Variants in ASH1L observed in about 807,000 individuals in gnomAD.
ASH1L encodes ASH1 like histone lysine methyltransferase, also known as histone-lysine N-methyltransferase ASH1L.
In ASH1L, 23 loss-of-function variants were observed where a neutral mutation model predicts 269.0. The ratio of observed to expected loss-of-function variants is 0.09; its 90% CI spans 0.06 to 0.12. The LOEUF is 0.12. Among genes scored for constraint, ASH1L ranks in the 10% least tolerant of loss-of-function variants. The pLI is 1.00. For synonymous variants in ASH1L, 1,187 were observed against 1,253.5 expected (o/e 0.95, Z 1.12); for missense variants, 2,912 against 3,567.8 (o/e 0.82, Z 4.68).
chr1:155,392,809 T>C (rs1365465676), intron 7 of ASH1L, among the ~76,000 whole-genome samples: 2 of 152,050 alleles, frequency 1.3e-5, no homozygotes, highest in Non-Finnish European at 2.9e-5. Flanking sequence ...TGATGTAATC[T>C]ACTCTTTCAA....
At chr1:155,443,812 TATATGA>T (rs1372830336) in intron 4 of ASH1L, among the ~76,000 whole-genome samples, 1 of 152,200 alleles carries the variant, frequency 6.6e-6, no homozygotes, top group East Asian at 1.9e-4. Flanking sequence ...ACAACTGAAT[TATATGA>T]ATATACCACA....
At chr1:155,418,851 C>T (rs1319153686) in intron 5 of ASH1L, among the ~76,000 whole-genome samples, 10 of 151,950 alleles carry the variant, frequency 6.6e-5, no homozygotes. Context: ...GGGTGGATCA[C>T]GAGGTCAGGA....
intron 1 of ASH1L, among the ~76,000 whole-genome samples, chr1:155,541,932 T>C (rs994551290): frequency 3.3e-5 from 5 of 152,126 alleles, no homozygotes; most frequent in Non-Finnish European, 5.9e-5. Context: ...TAGACATAAA[T>C]TTCCAATTAC....
chr1:155,371,466 T>C (rs1192616396), intron 10 of ASH1L, among the ~76,000 whole-genome samples: 2 of 152,146 alleles, frequency 1.3e-5, no homozygotes. Context: ...GAGAGTCCCT[T>C]GAACCTGTGA....
At position 155,562,273 on chromosome 1, in the gene ASH1L, G is replaced by T. The variant is rs1197304302; in HGVS notation, c.-220C>A. On this transcript the variant is annotated 5_prime_UTR_variant, in exon 1 of 28. Coordinates refer to ENST00000392403, the MANE Select transcript of ASH1L (RefSeq NM_018489.3). ...ACGGCGGATCCCTCCCGCTTGTCAG[G>T]AGGCGGCCAGCGGGTAAGCTGACTG... 1 of 1,608,756 alleles carries T rather than the reference G, an allele frequency of 6.2e-7. No homozygotes were observed.
Position 155,439,066 on chromosome 1 carries a change from T to C in ASH1L, c.5089A>G (p.Asn1697Asp). The part of the protein sequence containing the change: ...SSSESTSSTV[N>D]GVPSRSPRLV... ...CTTGGACTTCGAGAGGGAACTCCGT[T>C]TACTGAAAGAGACAATAAATCACAC... The change falls in exon 5 of 28, where the codon AAC (asparagine) becomes GAC (aspartate). Residue 1697 changes from asparagine to aspartate, a missense_variant and splice_region_variant. Physicochemically the swap from Asn to Asp is conservative, Grantham distance 23. Transcript: ENST00000392403. The C allele has an allele frequency of 6.3e-7, 1 of 1,597,408 alleles. No homozygotes were observed. The highest frequency in any genetic ancestry group is 1.1e-5 in the South Asian group (1 of 88,500).
At chr1:155,364,284 T>C (rs549439686) in intron 12 of ASH1L, among the ~76,000 whole-genome samples, 3 of 152,262 alleles carry the variant, frequency 2.0e-5, no homozygotes, top group East Asian at 3.9e-4. Flanking sequence ...GAGAAAAAGA[T>C]ATCTTCTAGT....
rs754714027 is a variant in ASH1L, at chr1:155,438,402, C to A, written c.5753G>T (p.Gly1918Val). The change falls in exon 5 of 28, where the codon GGT (glycine) becomes GTT (valine). Residue 1918 changes from glycine to valine, a missense_variant. Gly to Val is a moderately radical substitution (Grantham distance 109). This residue lies in a region of ASH1L where 789 missense variants were observed against 897.6 expected (regional missense o/e 0.88). Coordinates refer to ENST00000392403, the MANE Select transcript of ASH1L (RefSeq NM_018489.3). ...PEHKKGLKRK[G>V]WLLEEQTRKK... ...TCTGGTCTGTTCTTCCAATAGCCAA[C>A]CTTTTCTCTTCAACCCCTTTTTATG... 5 of 1,610,870 alleles carry A rather than the reference C, an allele frequency of 3.1e-6. No individual in the cohort carries two copies. The highest frequency in any genetic ancestry group is 1.7e-4 in the Middle Eastern group (1 of 6,046).
In ASH1L at chr1:155,543,840, A is replaced by G. The variant is rs543647550; in HGVS notation, c.-100+18313T>C. ...CCAGCTACTTGGCAGGGGCTGAGGT[A>G]GAAGAATCAATTGAGCCCGGGAGGT... is the stretch of plus-strand genomic sequence containing the variant. On this transcript the variant is annotated intron_variant, in intron 1 of 27. Transcript: ENST00000392403. Among the ~76,000 whole-genome samples, 12 of 152,156 alleles carry G rather than the reference A, an allele frequency of 7.9e-5. No homozygotes were observed. The South Asian group carries it at 2.5e-3, about 32-fold the overall frequency.
rs548692300 is a variant in ASH1L, at chr1:155,478,006, T to A, written c.4864A>T (p.Ser1622Cys). The change falls in exon 3 of 28, where the codon AGT (serine) becomes TGT (cysteine). Residue 1622 changes from serine (S) to cysteine (C), a missense_variant. Ser to Cys is a moderately radical substitution (Grantham distance 112). Transcript: ENST00000392403. This position sits in a 1 kb window ranked among gnomAD's most constrained non-coding sequence, Gnocchi z 4.6. ...GSCRVSNPNS[S>C]GRKKLTDSPG... ...CTGTCAGTTAATTTCTTCCGGCCAC[T>A]GGAGTTAGGGTTTGAAACTCTGCAG... is the stretch of plus-strand genomic sequence containing the variant. 2 of 1,614,106 alleles carry A rather than the reference T, an allele frequency of 1.2e-6. No individual in the cohort carries two copies. The highest frequency in any genetic ancestry group is 1.7e-6 in the Non-Finnish European group (2 of 1,180,048).
chr1:155,423,874 C>T lies in ASH1L; in HGVS notation c.5829-7951G>A, dbSNP rs564712808. On this transcript the variant is annotated intron_variant, in intron 5 of 27. Transcript: ENST00000392403. Reference sequence around the variant, plus strand: ...CCTCCGGAGTAGCTAGGATTACAGGCGCCCGCCACCACTCCTAATTTTTTG... The same window carrying T: ...CCTCCGGAGTAGCTAGGATTACAGGTGCCCGCCACCACTCCTAATTTTTTG... Among the ~76,000 whole-genome samples the T allele has an allele frequency of 5.9e-5, 9 of 152,226 alleles. No individual in the cohort carries two copies. In the South Asian group the frequency reaches 1.0e-3, roughly 18 times the overall value.
At chr1:155,544,512 C>A (rs1670659535) in intron 1 of ASH1L, among the ~76,000 whole-genome samples, 1 of 151,896 alleles carries the variant, frequency 6.6e-6, no homozygotes, top group South Asian at 2.1e-4. Context: ...TGGTCTCGAT[C>A]TCCTGCCCTC....
rs1244414845 is a variant in ASH1L at position 155,335,468 on chromosome 1, A to G, written c.*2192T>C. ...TTTTCCGCAATCACACAGCCTACAG[A>G]CATGCAGACTAACTCTGTATCTATT... On this transcript the variant is annotated 3_prime_UTR_variant, in exon 28 of 28. Transcript: ENST00000392403. The G allele has an allele frequency of 6.5e-6, 1 of 152,792 alleles. No individual in the cohort carries two copies. Among genetic ancestry groups the G allele is most frequent in the African/African-American group, 2.4e-5 (1 of 41,450 alleles). The allele number at this position is 152,792 out of a possible 1,614,324, so 9.5% of individuals were successfully genotyped here. A position where few individuals can be genotyped will look rare whatever the true frequency, so the allele number is the denominator to read the frequency against.
At chr1:155,360,737 C>A (rs749295835) in intron 12 of ASH1L, among the ~76,000 whole-genome samples, 1 of 152,208 alleles carries the variant, frequency 6.6e-6, no homozygotes, top group South Asian at 2.1e-4. Flanking sequence ...GCCACCACGC[C>A]TGGCCTCCAC....
rs547484419 is a variant in ASH1L, at chr1:155,526,470, T to C, written c.-99-4852A>G. ...TCTTCTGTCTCTGTACCATCACAGC[T>C]AGTCTAAGAAAAACAATAACACTCA... On this transcript the variant is annotated intron_variant, in intron 1 of 27. Transcript: ENST00000392403. 3.9e-5 allele frequency among the ~76,000 whole-genome samples: 6 copies of C among 152,348 alleles called. No individual in the cohort carries two copies. In the East Asian group the frequency reaches 1.2e-3, roughly 29 times the overall value.
chr1:155,420,509 T>A (rs1423564753), intron 5 of ASH1L, among the ~76,000 whole-genome samples: 1 of 149,996 alleles, frequency 6.7e-6, no homozygotes, highest in Non-Finnish European at 1.5e-5. Flanking sequence ...AAAATATAAA[T>A]CTAACAAATA....
At chr1:155,426,230 A>T (rs1183479931) in intron 5 of ASH1L, among the ~76,000 whole-genome samples, 1 of 150,994 alleles carries the variant, frequency 6.6e-6, no homozygotes, top group African/African-American at 2.4e-5. Flanking sequence ...ATGCCCGGCT[A>T]ATTTTTTTTT....
chr1:155,418,796 G>A (rs1485741514), intron 5 of ASH1L, among the ~76,000 whole-genome samples: 2 of 152,016 alleles, frequency 1.3e-5, no homozygotes, highest in Non-Finnish European at 1.5e-5. Flanking sequence ...GAGGCTGGGC[G>A]CAGTGGCTCA....
At chr1:155,518,022 G>A (rs945569276) in intron 2 of ASH1L, among the ~76,000 whole-genome samples, 3 of 151,714 alleles carry the variant, frequency 2.0e-5, no homozygotes, top group South Asian at 2.1e-4. Context: ...GGATGGTCTC[G>A]ATCTCCTGAC....
Sources: allele counts gnomAD v4.1 joint callset (sites outside exome capture counted in the v4.1 genomes callset), GRCh38; gene constraint gnomAD v4.1.1; regional missense constraint gnomAD v4.1.1; non-coding constraint Gnocchi (gnomAD v3.1); transcripts MANE v1.5; gene names NCBI Gene and HGNC (gene_info 2026-07-23, HGNC 2026-07-21).